PEBP4: variants seen among roughly 807,000 people sequenced by gnomAD.
PEBP4 encodes phosphatidylethanolamine-binding protein 4.
In PEBP4, 22 loss-of-function variants were observed where a neutral mutation model predicts 23.9. That is an observed-to-expected ratio of 0.92 (90% CI 0.66 to 1.31). The LOEUF is 1.31. PEBP4 is among the 40% of genes most tolerant of loss of function. The pLI is 0.00. For missense variants in PEBP4, 324 were observed against 281.7 expected, an observed-to-expected ratio of 1.15 and a Z score of -1.07; for synonymous variants, 112 against 99.3, an observed-to-expected ratio of 1.13 and a Z score of -0.76.
At chr8:22,888,719 T>C (rs2128774205) in intron 3 of PEBP4, among the ~76,000 whole-genome samples, 1 of 152,322 alleles carries the variant, frequency 6.6e-6, no homozygotes, top group African/African-American at 2.4e-5. Context: ...CTCACTTCTG[T>C]CCCCATCAAA....
intron 3 of PEBP4, among the ~76,000 whole-genome samples, chr8:22,820,583 A>G (rs1161876238): frequency 6.6e-6 from 1 of 152,186 alleles, no homozygotes; most frequent in Non-Finnish European, 1.5e-5. Context: ...GAAAAGAGAG[A>G]TTAAATCTCT....
At chr8:22,770,299 A>G (rs190717994) in intron 4 of PEBP4, among the ~76,000 whole-genome samples, 97 of 152,352 alleles carry the variant, frequency 6.4e-4, no homozygotes, top group African/African-American at 2.3e-3. Context: ...GCTCTCTGCC[A>G]TATGGTTGCC....
At chr8:22,913,211 C>T (rs1047666422) in intron 3 of PEBP4, among the ~76,000 whole-genome samples, 2 of 152,132 alleles carry the variant, frequency 1.3e-5, no homozygotes, top group Admixed American at 1.3e-4. Flanking sequence ...CCCAGGGTGG[C>T]CCCTTACCCT....
chr8:22,743,394 C>T (rs140964275), intron 4 of PEBP4, among the ~76,000 whole-genome samples: 11 of 152,338 alleles, frequency 7.2e-5, no homozygotes, highest in African/African-American at 2.4e-4. Context: ...TAATGAATAT[C>T]TGTGTACTCA....
chr8:22,929,702 T>C (rs1445155873), upstream of PEBP4, among the ~76,000 whole-genome samples: 1 of 152,094 alleles, frequency 6.6e-6, no homozygotes, highest in Non-Finnish European at 1.5e-5. Context: ...CTGGGTTGAG[T>C]CCATTGAGTC....
chr8:22,868,660 G>A (rs1043562187), intron 3 of PEBP4, among the ~76,000 whole-genome samples: 4 of 152,072 alleles, frequency 2.6e-5, no homozygotes, highest in African/African-American at 4.8e-5. Flanking sequence ...TGGCAACTAC[G>A]TCCTTCCAGT....
intron 3 of PEBP4, among the ~76,000 whole-genome samples, chr8:22,857,857 A>T (rs1807687587): frequency 6.6e-6 from 1 of 152,176 alleles, no homozygotes; most frequent in South Asian, 2.1e-4. Context: ...GGGGCAAGGG[A>T]TGGGGAGCAA....
intron 4 of PEBP4, among the ~76,000 whole-genome samples, chr8:22,780,211 A>G (rs1805887916): frequency 6.6e-6 from 1 of 152,072 alleles, no homozygotes; most frequent in Non-Finnish European, 1.5e-5. Context: ...CAATCTGCCC[A>G]CCTTGGCCTC....
intron 5 of PEBP4, 116 bp from the exon 6 acceptor site, chr8:22,725,072 C>CTGT: frequency 1.5e-6 from 1 of 682,774 alleles, no homozygotes. Flanking sequence ...AGCACTCGGC[C>CTGT]CTGCAAAACA....
chr8:22,747,272 T>C (rs1805142329), intron 4 of PEBP4, among the ~76,000 whole-genome samples: 1 of 152,278 alleles, frequency 6.6e-6, no homozygotes, highest in African/African-American at 2.4e-5. Context: ...GCTGGATTCC[T>C]GGGAAGTCCC....
intron 3 of PEBP4, among the ~76,000 whole-genome samples, chr8:22,844,236 A>T (rs958833963): frequency 7.2e-5 from 11 of 152,074 alleles, no homozygotes; most frequent in Admixed American, 7.2e-4. Context: ...CGGTTAGAAA[A>T]TTTATTTATT....
At chr8:22,722,293 G>A (rs1040292685) in intron 6 of PEBP4, among the ~76,000 whole-genome samples, 1 of 152,132 alleles carries the variant, frequency 6.6e-6, no homozygotes, top group Non-Finnish European at 1.5e-5. Context: ...TCCTCCCCAT[G>A]GCCTCAGGGC....
At chr8:22,836,707 C>T (rs554007623) in intron 3 of PEBP4, among the ~76,000 whole-genome samples, 1 of 152,334 alleles carries the variant, frequency 6.6e-6, no homozygotes, top group Admixed American at 6.5e-5. Context: ...CTGTGCTGTG[C>T]TGCGTACCCC....
chr8:22,896,297 T>A (rs1346487457), intron 3 of PEBP4: 4 of 152,338 alleles, frequency 2.6e-5, no homozygotes, highest in African/African-American at 9.6e-5. Context: ...TGAGTTTTGC[T>A]CCCGCTGACC....
intron 3 of PEBP4, among the ~76,000 whole-genome samples, chr8:22,909,164 C>A (rs1290084930): frequency 2.6e-5 from 4 of 152,150 alleles, no homozygotes; most frequent in Non-Finnish European, 5.9e-5. Flanking sequence ...TCACCTATCT[C>A]CCCCTGGTGT....
intron 2 of PEBP4, among the ~76,000 whole-genome samples, chr8:22,925,627 C>T (rs906238398): frequency 7.9e-5 from 12 of 152,294 alleles, no homozygotes; most frequent in Admixed American, 2.0e-4. Flanking sequence ...AGGGCACCAA[C>T]ATGTGATCTT....
At chr8:22,741,352 C>T (rs941814940) in intron 4 of PEBP4, among the ~76,000 whole-genome samples, 36 of 152,326 alleles carry the variant, frequency 2.4e-4, no homozygotes, top group African/African-American at 8.7e-4. Flanking sequence ...TGTGGCCCAC[C>T]AGGGCCTGCT....
chr8:22,812,490 A>G (rs1042263577), intron 4 of PEBP4, among the ~76,000 whole-genome samples: 1 of 152,232 alleles, frequency 6.6e-6, no homozygotes, highest in Non-Finnish European at 1.5e-5. Context: ...TATGGCCCAT[A>G]GAGCTGAACC....
At chr8:22,797,944 C>T (rs541991299) in intron 4 of PEBP4, among the ~76,000 whole-genome samples, 57 of 152,068 alleles carry the variant, frequency 3.7e-4, no homozygotes, top group Non-Finnish European at 7.1e-4. Context: ...AGGAGGGAGG[C>T]GAGGAGAGTC....
Sources: allele counts gnomAD v4.1 joint callset (sites outside exome capture counted in the v4.1 genomes callset), GRCh38; gene constraint gnomAD v4.1.1; transcripts MANE v1.5; gene names NCBI Gene and HGNC (gene_info 2026-07-23, HGNC 2026-07-21).